Variants in RIMS2 observed in about 807,000 individuals in gnomAD.
RIMS2 encodes regulating synaptic membrane exocytosis protein 2.
RIMS2 carries 59 observed loss-of-function variants against 174.4 expected under a neutral mutation model. That is an observed-to-expected ratio of 0.34 (90% CI 0.27 to 0.42). The LOEUF (loss-of-function observed/expected upper bound fraction) is 0.42, where lower values mean the gene tolerates loss of function less well. Ranked by LOEUF, RIMS2 falls within the 10% of genes least tolerant of loss-of-function variation. The pLI is 1.00. For missense variants in RIMS2, 1,620 were observed against 1,666.3 expected, an observed-to-expected ratio of 0.97 and a Z score of 0.48; for synonymous variants, 606 against 572.5, an observed-to-expected ratio of 1.06 and a Z score of -0.84.
At chr8:103,555,510 C>G (rs1850008436) in intron 1 of RIMS2, among the ~76,000 whole-genome samples, 1 of 152,050 alleles carries the variant, frequency 6.6e-6, no homozygotes, top group African/African-American at 2.4e-5. Flanking sequence ...AGTCGTTTAA[C>G]CAAGTATATA....
chr8:104,176,500 T>C (rs2098896434), intron 19 of RIMS2, among the ~76,000 whole-genome samples: 1 of 152,152 alleles, frequency 6.6e-6, no homozygotes, highest in Non-Finnish European at 1.5e-5. Flanking sequence ...GTCCTTAAAC[T>C]ATTGGTTTAT....
intron 1 of RIMS2, among the ~76,000 whole-genome samples, chr8:103,533,348 T>G (rs770375810): frequency 6.6e-6 from 1 of 152,214 alleles, no homozygotes; most frequent in Admixed American, 6.5e-5. Flanking sequence ...TGAGTGGTTT[T>G]CCTTGACTCT....
At chr8:104,191,109 C>A (rs2098995507) in intron 19 of RIMS2, among the ~76,000 whole-genome samples, 1 of 151,932 alleles carries the variant, frequency 6.6e-6, no homozygotes, top group African/African-American at 2.4e-5. Context: ...TTAGCAGGAT[C>A]TAGTTTCTCT....
At chr8:103,554,345 C>G (rs75587479) in intron 1 of RIMS2, among the ~76,000 whole-genome samples, 1 of 151,914 alleles carries the variant, frequency 6.6e-6, no homozygotes, top group Non-Finnish European at 1.5e-5. Context: ...AATTTACAAG[C>G]AAAAAACAAA....
intron 3 of RIMS2, among the ~76,000 whole-genome samples, chr8:103,770,745 G>A (rs556548554): frequency 6.7e-6 from 1 of 148,588 alleles, no homozygotes; most frequent in Non-Finnish European, 1.5e-5. Context: ...TTGTTCCTTC[G>A]TCTCCCACCC....
At chr8:103,657,830 C>T (rs541553096) in intron 1 of RIMS2, among the ~76,000 whole-genome samples, 1 of 152,222 alleles carries the variant, frequency 6.6e-6, no homozygotes, top group African/African-American at 2.4e-5. Flanking sequence ...TATAGCTGAG[C>T]CCTGATTACT....
intron 2 of RIMS2, among the ~76,000 whole-genome samples, chr8:103,748,847 C>G (rs966920571): frequency 5.3e-5 from 8 of 151,930 alleles, no homozygotes; most frequent in African/African-American, 1.9e-4. Context: ...GTTGCCCAAG[C>G]TGGAGCGCAA....
At chr8:103,935,495 A>G (rs1485174081) in intron 12 of RIMS2, among the ~76,000 whole-genome samples, 2 of 152,212 alleles carry the variant, frequency 1.3e-5, no homozygotes, top group African/African-American at 4.8e-5. Context: ...TCCCAATTTC[A>G]GAAACAGTTC....
chr8:104,006,315 C>T (rs2095573750), intron 17 of RIMS2, among the ~76,000 whole-genome samples: 3 of 151,996 alleles, frequency 2.0e-5, no homozygotes, highest in East Asian at 1.9e-4. Flanking sequence ...TTTGGGAGGC[C>T]GAGGTGGGCG....
chr8:103,541,673 G>A (rs1842657764), intron 1 of RIMS2, among the ~76,000 whole-genome samples: 1 of 152,178 alleles, frequency 6.6e-6, no homozygotes, highest in Admixed American at 6.6e-5. Context: ...GTACTGTAAT[G>A]GTGGTGTGTA....
chr8:104,018,526 C>T (rs2095990354), intron 19 of RIMS2, among the ~76,000 whole-genome samples: 1 of 152,156 alleles, frequency 6.6e-6, no homozygotes, highest in Non-Finnish European at 1.5e-5. Context: ...TTAAATCAAA[C>T]TAGAATTATA....
At chr8:103,787,227 T>C (rs1268328745) in intron 3 of RIMS2, among the ~76,000 whole-genome samples, 2 of 150,816 alleles carry the variant, frequency 1.3e-5, no homozygotes, top group African/African-American at 2.4e-5. Flanking sequence ...CTTTATCCAA[T>C]TTGCCAGTCT....
intron 19 of RIMS2, among the ~76,000 whole-genome samples, chr8:104,125,036 A>G (rs919732316): frequency 7.2e-5 from 11 of 152,170 alleles, no homozygotes; most frequent in African/African-American, 2.7e-4. Context: ...GGTAAGCAGC[A>G]GACTACCACC....
At chr8:103,599,859 C>A (rs2094637691) in intron 1 of RIMS2, among the ~76,000 whole-genome samples, 1 of 152,086 alleles carries the variant, frequency 6.6e-6, no homozygotes, top group Non-Finnish European at 1.5e-5. Context: ...AAATAGGTAT[C>A]TGTTCCTTCA....
chr8:104,030,552 A>G (rs1054913080), intron 19 of RIMS2, among the ~76,000 whole-genome samples: 4 of 152,074 alleles, frequency 2.6e-5, no homozygotes, highest in Non-Finnish European at 5.9e-5. Flanking sequence ...TACTACTTCA[A>G]TCTTATCTAT....
chr8:103,813,393 T>G (rs1426185696), intron 3 of RIMS2, among the ~76,000 whole-genome samples: 2 of 150,602 alleles, frequency 1.3e-5, no homozygotes, highest in South Asian at 4.2e-4. Flanking sequence ...TTTACACTTC[T>G]TTCTTTCTTT....
chr8:104,223,835 T>C (rs746922275), intron 19 of RIMS2: 5 of 1,542,968 alleles, frequency 3.2e-6, no homozygotes, highest in Admixed American at 3.5e-5. Flanking sequence ...TCTATCTGTT[T>C]AGAAAGTCGG....
At chr8:103,741,914 G>A (rs1033759530) in intron 2 of RIMS2, among the ~76,000 whole-genome samples, 2 of 151,998 alleles carry the variant, frequency 1.3e-5, no homozygotes, top group Non-Finnish European at 2.9e-5. Flanking sequence ...ATTTAAATAA[G>A]TATGTTAATA....
At chr8:104,067,653 A>G (rs1468768229) in intron 19 of RIMS2, among the ~76,000 whole-genome samples, 2 of 152,098 alleles carry the variant, frequency 1.3e-5, no homozygotes, top group African/African-American at 4.8e-5. Context: ...CAGCCCCCCA[A>G]AGTGTTGGGA....
Sources: gnomAD v4.1 joint callset for allele counts (sites outside exome capture counted in the v4.1 genomes callset) on GRCh38, gnomAD v4.1.1 for gene constraint, MANE v1.5 for transcripts, NCBI Gene and HGNC (gene_info 2026-07-23, HGNC 2026-07-21) for gene names.